Variants in MALRD1 observed in about 807,000 individuals in gnomAD.
The protein encoded by MALRD1 is MAM and LDL-receptor class A domain-containing protein 1.
Under a neutral mutation model 242.1 loss-of-function variants are expected in MALRD1, and 247 were observed. That is an observed-to-expected ratio of 1.02 (90% confidence interval 0.92 to 1.13). The LOEUF (loss-of-function observed/expected upper bound fraction) is 1.13. Among genes scored for constraint, MALRD1 ranks in the 50% most tolerant of loss-of-function variants. The pLI is 0.00. For missense variants in MALRD1, 2,989 were observed against 2,533.1 expected (o/e 1.18, Z -3.86); for synonymous variants, 995 against 866.6 (o/e 1.15, Z -2.60).
intron 20 of MALRD1, 58 bp downstream of exon 20, chr10:19,280,281 A>C (rs1232769004): frequency 1.5e-6 from 2 of 1,318,480 alleles, no homozygotes; most frequent in Non-Finnish European, 2.0e-6. Flanking sequence ...ATGCAAGTGT[A>C]ATCTCTAAGT....
At position 19,484,523 on chromosome 10, in the gene MALRD1, GT is replaced by G. The variant is rs1837157650; in HGVS notation, c.5030-6992del. On this transcript the variant is annotated intron_variant, in intron 29 of 39. Transcript: ENST00000454679. ...GAAAATTGATTTATGGGGTTTTCTT[GT>G]TATTTTTATAATTCATAACAAAATA... 2.0e-5 allele frequency among the ~76,000 whole-genome samples: 3 copies of G among 152,054 alleles called. No individual in the cohort carries two copies. In the East Asian group the frequency reaches 5.8e-4, roughly 29 times the overall value.
rs35279728 is a variant in MALRD1, at chr10:19,729,721, C to CTTTTTT, written c.6315-957_6315-952dup. Among the ~76,000 whole-genome samples the CTTTTTT allele has an allele frequency of 1.9e-3, 79 of 40,706 alleles. 10 individuals carry two copies. The highest frequency in any genetic ancestry group is 2.4e-3 in the Non-Finnish European group (57 of 24,086). The allele number at this position is 40,706 out of a possible 152,430, so 26.7% of individuals were successfully genotyped here. ...GTGTCTTCTAATAAGTCTATTAATT[C>CTTTTTT]TTTTTTTTTTTTTTTTTTTTTTTTT... is the stretch of plus-strand genomic sequence containing the variant. On this transcript the variant is annotated intron_variant, in intron 38 of 39. Coordinates refer to ENST00000454679, the MANE Select transcript of MALRD1 (RefSeq NM_001142308.3).
At chr10:19,151,345 A>G (rs1176918414) in intron 11 of MALRD1, among the ~76,000 whole-genome samples, 1 of 152,116 alleles carries the variant, frequency 6.6e-6, no homozygotes, top group East Asian at 1.9e-4. Context: ...TATTGCTGAC[A>G]TATAGAAGTG....
intron 14 of MALRD1, among the ~76,000 whole-genome samples, chr10:19,176,599 C>T (rs1835259031): frequency 6.6e-6 from 1 of 151,242 alleles, no homozygotes; most frequent in Non-Finnish European, 1.5e-5. Context: ...TGGTCTCGAT[C>T]TCCTGACCTC....
chr10:19,703,293 C>T (rs1833703817), intron 38 of MALRD1, among the ~76,000 whole-genome samples: 2 of 152,274 alleles, frequency 1.3e-5, no homozygotes, highest in South Asian at 4.1e-4. Flanking sequence ...GGTGTATTTC[C>T]TCTGCTTCCT....
intron 12 of MALRD1, among the ~76,000 whole-genome samples, chr10:19,163,415 A>G (rs1373034631): frequency 2.6e-5 from 4 of 151,434 alleles, no homozygotes; most frequent in Non-Finnish European, 4.4e-5. Context: ...GAAACCAAAT[A>G]CCGCACGTTC....
At chr10:19,476,798 A>G (rs970792775) in intron 29 of MALRD1, among the ~76,000 whole-genome samples, 13 of 152,194 alleles carry the variant, frequency 8.5e-5, no homozygotes, top group Non-Finnish European at 1.8e-4. Flanking sequence ...TTCATATGAC[A>G]TGTTCTCACA....
chr10:19,700,140 G>A (rs1833559959), intron 38 of MALRD1, among the ~76,000 whole-genome samples: 1 of 151,624 alleles, frequency 6.6e-6, no homozygotes, highest in South Asian at 2.1e-4. Flanking sequence ...TTAACCCACT[G>A]CAATAGAAGA....
At chr10:19,136,862 C>T in intron 10 of MALRD1, 81 bp downstream of exon 10, 2 of 977,822 alleles carry the variant, frequency 2.0e-6, no homozygotes, top group Non-Finnish European at 2.6e-6. Context: ...TTGTTTCTAT[C>T]AAGGCAAAGG....
chr10:19,104,006 A>G lies in MALRD1; in HGVS notation c.625A>G (p.Thr209Ala). Residue 209 changes from threonine to alanine, a missense_variant, in exon 5 of 40, where the codon ACG (threonine) becomes GCG (alanine). Transcript: ENST00000454679. Reference protein sequence around the residue: ...QVVFEGQMASTYEQDEVIAID... With the variant: ...QVVFEGQMASAYEQDEVIAID... ...TGTTTTTGAAGGTCAAATGGCTTCA[A>G]CGTATGAACAGGATGAAGTCATTGC... 8.9e-6 allele frequency: 11 copies of G among 1,233,790 alleles called. No individual in the cohort carries two copies. The highest frequency in any genetic ancestry group is 8.2e-5 in the South Asian group (2 of 24,412). 76.4% of individuals were successfully genotyped at this position (1,233,790 alleles called of 1,614,324 possible). A position where few individuals can be genotyped will look rare whatever the true frequency, so the allele number is the denominator to read the frequency against.
At chr10:19,433,210 C>T (rs912341582) in intron 28 of MALRD1, among the ~76,000 whole-genome samples, 17 of 152,136 alleles carry the variant, frequency 1.1e-4, no homozygotes, top group African/African-American at 1.7e-4. Flanking sequence ...ATATCCTGCT[C>T]GCAGAGTGTA....
At position 19,376,542 on chromosome 10, in the gene MALRD1, C is replaced by CATTTTT. The variant is rs1554842468; in HGVS notation, c.4442-10986_4442-10985insATTTTT. On this transcript the variant is annotated intron_variant, in intron 26 of 39. Transcript: ENST00000454679. ...TTGAAAGTCAAGGAGTTGATACATTCTTTTTTTTTTTTTTTTTTTTTTTTT... is the reference window on the plus strand; with the variant it reads ...TTGAAAGTCAAGGAGTTGATACATTCATTTTTTTTTTTTTTTTTTTTTTTTTTTTTT... Among the ~76,000 whole-genome samples, 26 of 94,986 alleles carry CATTTTT rather than the reference C, an allele frequency of 2.7e-4. 7 individuals are homozygous for CATTTTT. The highest frequency in any genetic ancestry group is 4.4e-4 in the African/African-American group (11 of 25,268). 62.3% of individuals were successfully genotyped at this position (94,986 alleles called of 152,430 possible).
intron 4 of MALRD1, among the ~76,000 whole-genome samples, chr10:19,094,988 A>G (rs1023916794): frequency 3.9e-5 from 6 of 152,176 alleles, no homozygotes; most frequent in Admixed American, 1.3e-4. Context: ...AAAGCATTTT[A>G]TTCCTTAAAA....
At chr10:19,380,278 T>TTC (rs763415113) in intron 26 of MALRD1, among the ~76,000 whole-genome samples, 2 of 2,712 alleles carry the variant, frequency 7.4e-4, no homozygotes, top group Non-Finnish European at 1.0e-3. Context: ...GCCAGCCTTC[T>TTC]TTTTTTTTTT....
chr10:19,096,304 G>A (rs1363904947), intron 4 of MALRD1, among the ~76,000 whole-genome samples: 1 of 152,042 alleles, frequency 6.6e-6, no homozygotes, highest in Non-Finnish European at 1.5e-5. Context: ...AGGGTGATTC[G>A]GCTGTAGCTG....
chr10:19,412,065 A>G (rs897975587), intron 28 of MALRD1, among the ~76,000 whole-genome samples: 1 of 152,194 alleles, frequency 6.6e-6, no homozygotes, highest in Non-Finnish European at 1.5e-5. Flanking sequence ...TTGGGAGGCC[A>G]AGGTGGGTGG....
chr10:19,403,178 A>G (rs1846944271), intron 28 of MALRD1, among the ~76,000 whole-genome samples: 1 of 152,156 alleles, frequency 6.6e-6, no homozygotes, highest in Admixed American at 6.6e-5. Flanking sequence ...AAAAAAGTCT[A>G]GTTTTGTAGT....
intron 26 of MALRD1, among the ~76,000 whole-genome samples, chr10:19,362,197 C>G (rs1316682400): frequency 1.3e-5 from 2 of 152,100 alleles, no homozygotes; most frequent in African/African-American, 4.8e-5. Flanking sequence ...TTATCAACTT[C>G]AGTGTATCCA....
At chr10:19,331,271 A>C in intron 23 of MALRD1, 98 bp from the exon 24 acceptor site, 1 of 1,045,662 alleles carries the variant, frequency 9.6e-7, no homozygotes, top group South Asian at 1.5e-5. Flanking sequence ...ACAAACAACA[A>C]AAAACAGATT....
Sources: allele counts gnomAD v4.1 joint callset (sites outside exome capture counted in the v4.1 genomes callset), GRCh38; gene constraint gnomAD v4.1.1; transcripts MANE v1.5; gene names NCBI Gene and HGNC (gene_info 2026-07-23, HGNC 2026-07-21).